Variants in RCL1 observed in about 807,000 individuals in gnomAD.
RCL1 encodes RNA 3'-terminal phosphate cyclase-like protein.
RCL1 carries 24 observed loss-of-function variants against 42.4 expected under a neutral mutation model. The ratio of observed to expected loss-of-function variants is 0.57; its 90% CI spans 0.41 to 0.80. The LOEUF is 0.80. Among genes scored for constraint, RCL1 ranks in the 30% least tolerant of loss-of-function variants. The pLI, the probability that RCL1 is intolerant of heterozygous loss-of-function variation, is 0.00. For missense variants in RCL1, 578 were observed against 467.9 expected (o/e 1.24, Z -2.17); for synonymous variants, 228 against 177.3 (o/e 1.29, Z -2.27).
intron 6 of RCL1, among the ~76,000 whole-genome samples, chr9:4,843,035 C>T (rs1817388679): frequency 6.6e-6 from 1 of 152,174 alleles, no homozygotes; most frequent in Admixed American, 6.5e-5. Flanking sequence ...AAGACATGGA[C>T]ATGATGTAGA....
chr9:4,841,245 G>C lies in RCL1; in HGVS notation c.598G>C (p.Val200Leu), dbSNP rs371417592. 3 of 1,613,830 alleles carry C rather than the reference G, an allele frequency of 1.9e-6. No homozygotes were observed. The African/African-American group carries it at 4.0e-5, about 22-fold the overall frequency. The change falls in exon 6 of 9, where the codon GTG (valine) becomes CTG (leucine). Residue 200 changes from valine to leucine, a missense_variant. By Grantham distance (32) the Val-to-Leu change is conservative. Coordinates refer to ENST00000381750, the MANE Select transcript of RCL1 (RefSeq NM_005772.5). ...RIRGMAYSVRVSPQMANRIVD... is the reference protein window; with the variant it reads ...RIRGMAYSVRLSPQMANRIVD... ...TCCAGGCTGCAGGTACTCTGTACGT[G>C]TGTCACCTCAGATGGCGAACCGGAT...
intron 1 of RCL1, among the ~76,000 whole-genome samples, chr9:4,812,213 C>T (rs1816205583): frequency 6.6e-6 from 1 of 152,098 alleles, no homozygotes; most frequent in East Asian, 1.9e-4. Flanking sequence ...CCTAGTTTTT[C>T]TTTTGTTGCC....
chr9:4,840,208 T>A (rs1224814866), intron 5 of RCL1, among the ~76,000 whole-genome samples: 1 of 152,156 alleles, frequency 6.6e-6, no homozygotes, highest in Non-Finnish European at 1.5e-5. Flanking sequence ...CAGATGAAAA[T>A]TAAATATGTT....
At position 4,793,001 on chromosome 9, in the gene RCL1, C is replaced by T. The variant is rs935641282; in HGVS notation, c.-91C>T. 1.8e-5 allele frequency: 26 copies of T among 1,441,140 alleles called. 1 individual carries two copies. The highest frequency in any genetic ancestry group is 1.4e-5 in the Non-Finnish European group (15 of 1,076,820). The allele number at this position is 1,441,140 out of a possible 1,614,324, so 89.3% of individuals were successfully genotyped here. A position where few individuals can be genotyped will look rare whatever the true frequency, so the allele number is the denominator to read the frequency against. ...CAGCCCGAGCCGCCGCCGTCGGTGT[C>T]GCCGCCACCACCACCATCGGAGTCA... On this transcript the variant is annotated 5_prime_UTR_variant, in exon 1 of 9. Transcript: ENST00000381750.
At chr9:4,833,310 G>C in intron 4 of RCL1, 82 bp downstream of exon 4, 1 of 992,780 alleles carries the variant, frequency 1.0e-6, no homozygotes, top group Non-Finnish European at 1.6e-6. Flanking sequence ...GTGTGACTCA[G>C]TGTATGTGTG....
chr9:4,794,260 G>C (rs766872412), intron 1 of RCL1, among the ~76,000 whole-genome samples: 38 of 152,352 alleles, frequency 2.5e-4, no homozygotes, highest in Middle Eastern at 3.4e-3. Context: ...CTTGGGTGGT[G>C]ATTGGCTGCA....
rs374027591 is a variant in RCL1 at position 4,800,631 on chromosome 9, CCT to C, written c.136+7405_136+7406del. ...GTTTAGTTTTTTAAGATATTGCTGC[CCT>C]GTTTTCCAGTGTGGATGTATTTTTT... On this transcript the variant is annotated intron_variant, in intron 1 of 8. Coordinates refer to ENST00000381750, the MANE Select transcript of RCL1 (RefSeq NM_005772.5). 9.6e-4 allele frequency among the ~76,000 whole-genome samples: 146 copies of C among 151,536 alleles called. 2 individuals are homozygous for C. Among genetic ancestry groups the C allele is most frequent in the African/African-American group, 3.3e-3 (137 of 41,272 alleles).
chr9:4,829,966 C>T (rs1816895689), intron 3 of RCL1, among the ~76,000 whole-genome samples: 2 of 152,136 alleles, frequency 1.3e-5, no homozygotes, highest in South Asian at 4.1e-4. Context: ...AGGGTTTCTG[C>T]CCCATGGTCC....
At chr9:4,851,366 GCCT>G (rs1456347552) in intron 8 of RCL1, among the ~76,000 whole-genome samples, 2 of 152,198 alleles carry the variant, frequency 1.3e-5, no homozygotes, top group African/African-American at 4.8e-5. Flanking sequence ...GGAAAGGGAA[GCCT>G]CCGTTCTTTT....
chr9:4,799,824 G>A (rs1842969499), intron 1 of RCL1, among the ~76,000 whole-genome samples: 1 of 152,106 alleles, frequency 6.6e-6, no homozygotes, highest in Non-Finnish European at 1.5e-5. Context: ...ACCTTCCTTG[G>A]ATGTGGTAGC....
At chr9:4,852,335 A>G (rs1345456856) in intron 8 of RCL1, among the ~76,000 whole-genome samples, 2 of 152,316 alleles carry the variant, frequency 1.3e-5, no homozygotes, top group African/African-American at 2.4e-5. Flanking sequence ...CCTCCATTCA[A>G]CAAGCTTAAT....
At chr9:4,841,987 T>C (rs1444256480) in intron 6 of RCL1, among the ~76,000 whole-genome samples, 1 of 152,238 alleles carries the variant, frequency 6.6e-6, no homozygotes, top group Non-Finnish European at 1.5e-5. Flanking sequence ...TTAAAGCCAC[T>C]TTCTTAAAAT....
intron 8 of RCL1, among the ~76,000 whole-genome samples, chr9:4,858,517 C>G (rs1298303994): frequency 7.2e-5 from 11 of 152,126 alleles, no homozygotes; most frequent in African/African-American, 2.2e-4. Flanking sequence ...TGACTTTGAT[C>G]TCTTTTGGGT....
intron 5 of RCL1, among the ~76,000 whole-genome samples, chr9:4,837,658 A>G (rs373436874): frequency 3.9e-4 from 59 of 152,024 alleles, no homozygotes; most frequent in Admixed American, 1.6e-3. Flanking sequence ...TCCTTTGATG[A>G]TGATGCTGGG....
chr9:4,825,177 G>A (rs117143460), intron 2 of RCL1, among the ~76,000 whole-genome samples: 6 of 151,782 alleles, frequency 4.0e-5, no homozygotes, highest in East Asian at 1.9e-4. Context: ...GCCACAGTGC[G>A]TGGCCCAAGT....
At chr9:4,804,270 TC>T (rs1264726377) in intron 1 of RCL1, 3 of 152,630 alleles carry the variant, frequency 2.0e-5, no homozygotes, top group Non-Finnish European at 4.4e-5. Context: ...GGAGCTGCTA[TC>T]CGGGGGGAAG....
Position 4,823,576 on chromosome 9 carries a change from G to C in RCL1, c.165G>C (p.Leu55Phe). The change falls in exon 2 of 9, where the codon TTG becomes TTC. Residue 55 changes from leucine to phenylalanine, a missense_variant. By Grantham distance (22) the Leu-to-Phe change is conservative. Coordinates refer to ENST00000381750, the MANE Select transcript of RCL1 (RefSeq NM_005772.5). ...RDFEASFIRL[L>F]DKITNGSRIE... is the part of the protein sequence containing the mutation. ...TTGAAGCCAGCTTCATAAGGCTATT[G>C]GACAAAATAACGAATGGTTCTCGAA... 6.2e-7 allele frequency: 1 copy of C among 1,610,452 alleles called. No individual in the cohort carries two copies. Among genetic ancestry groups the C allele is most frequent in the Non-Finnish European group, 8.5e-7 (1 of 1,178,532 alleles).
At chr9:4,843,302 C>T (rs1383959935) in intron 6 of RCL1, among the ~76,000 whole-genome samples, 1 of 152,130 alleles carries the variant, frequency 6.6e-6, no homozygotes, top group East Asian at 1.9e-4. Context: ...GACAGCACTT[C>T]TTGGTGGCCT....
rs33973400 is a variant in RCL1 at position 4,853,324 on chromosome 9, C to CTTT, written c.971+3789_971+3791dup. On this transcript the variant is annotated intron_variant, in intron 8 of 8. Coordinates refer to ENST00000381750, the MANE Select transcript of RCL1 (RefSeq NM_005772.5). ...CACTGCTTCCCTTACCCACTGTGCT[C>CTTT]TTTTTTTTTTTTTTTTTGAGACGGA... Among the ~76,000 whole-genome samples the CTTT allele has an allele frequency of 8.7e-4, 117 of 135,016 alleles. 1 individual carries two copies. The highest frequency in any genetic ancestry group is 2.8e-3 in the African/African-American group (103 of 36,182). The allele number at this position is 135,016 out of a possible 152,430, so 88.6% of individuals were successfully genotyped here.
Sources: gnomAD v4.1 joint callset for allele counts (sites outside exome capture counted in the v4.1 genomes callset) on GRCh38, gnomAD v4.1.1 for gene constraint, MANE v1.5 for transcripts, NCBI Gene and HGNC (gene_info 2026-07-23, HGNC 2026-07-21) for gene names.